HS3ST4: variants seen among roughly 807,000 people sequenced by gnomAD.
HS3ST4 encodes the protein heparan sulfate-glucosamine 3-sulfotransferase 4.
HS3ST4 carries 17 observed loss-of-function variants against 29.2 expected under a neutral mutation model. The ratio of observed to expected loss-of-function variants is 0.58; its 90% CI spans 0.40 to 0.87. HS3ST4 has a LOEUF of 0.87. Ranked by LOEUF, HS3ST4 falls within the 40% of genes least tolerant of loss-of-function variation. HS3ST4 has a pLI of 0.00. For synonymous variants in HS3ST4, 314 were observed against 285.7 expected (o/e 1.10, Z -1.00); for missense variants, 627 against 634.5 (o/e 0.99, Z 0.13).
At chr16:25,848,073 G>A (rs1346782239) in intron 1 of HS3ST4, among the ~76,000 whole-genome samples, 1 of 151,934 alleles carries the variant, frequency 6.6e-6, no homozygotes, top group African/African-American at 2.4e-5. Flanking sequence ...TTGTGAGAAT[G>A]TCAGTAGAAC....
intron 1 of HS3ST4, among the ~76,000 whole-genome samples, chr16:26,092,414 C>G (rs1197238366): frequency 1.3e-5 from 2 of 152,100 alleles, no homozygotes; most frequent in Non-Finnish European, 2.9e-5. Context: ...CCCCACTGCC[C>G]AAAGGTGTAT....
At chr16:25,763,555 A>G (rs1966801549) in intron 1 of HS3ST4, among the ~76,000 whole-genome samples, 1 of 152,192 alleles carries the variant, frequency 6.6e-6, no homozygotes, top group South Asian at 2.1e-4. Flanking sequence ...GTGTGCAGTA[A>G]TAGACACTGT....
chr16:25,910,518 C>T lies in HS3ST4; in HGVS notation c.734+217367C>T, dbSNP rs1415394095. Among the ~76,000 whole-genome samples, 10 of 151,972 alleles carry T rather than the reference C, an allele frequency of 6.6e-5. No homozygotes were observed. In the East Asian group the frequency reaches 1.9e-3, roughly 29 times the overall value. On this transcript the variant is annotated intron_variant, in intron 1 of 1. Coordinates refer to ENST00000331351, the MANE Select transcript of HS3ST4 (RefSeq NM_006040.3). ...TTTAGCCAGGTGTGGTGGTGGGTGC[C>T]TGTAATCCCAGCTACTTGGGAGGCT...
intron 1 of HS3ST4, among the ~76,000 whole-genome samples, chr16:25,788,816 A>G (rs1285915266): frequency 6.6e-6 from 1 of 151,950 alleles, no homozygotes; most frequent in Non-Finnish European, 1.5e-5. Flanking sequence ...TTGAGACTAC[A>G]GGTATGAGCC....
At position 26,084,661 on chromosome 16, in the gene HS3ST4, T is replaced by C. The variant is rs540629249; in HGVS notation, c.735-50951T>C. On this transcript the variant is annotated intron_variant, in intron 1 of 1. Coordinates refer to ENST00000331351, the MANE Select transcript of HS3ST4 (RefSeq NM_006040.3). ...TTGCTCTGTCACCCAGGCTCTGGAG[T>C]ACAGTAGCATGATCATAGCTCACTG... Among the ~76,000 whole-genome samples the C allele has an allele frequency of 3.9e-5, 6 of 152,122 alleles. No homozygotes were observed. In the East Asian group the frequency reaches 1.2e-3, roughly 29 times the overall value.
intron 1 of HS3ST4, among the ~76,000 whole-genome samples, chr16:26,007,863 C>T (rs1429297753): frequency 6.6e-6 from 1 of 151,948 alleles, no homozygotes; most frequent in Non-Finnish European, 1.5e-5. Context: ...TATCCCCCTA[C>T]AATCCAAGGA....
intron 1 of HS3ST4, among the ~76,000 whole-genome samples, chr16:25,718,922 A>G (rs1415593800): frequency 6.6e-6 from 1 of 152,230 alleles, no homozygotes. Flanking sequence ...ATATAGAAAG[A>G]TGAGCTTGTA....
chr16:25,774,446 C>G (rs1404018025), intron 1 of HS3ST4, among the ~76,000 whole-genome samples: 1 of 152,220 alleles, frequency 6.6e-6, no homozygotes, highest in African/African-American at 2.4e-5. Flanking sequence ...AATTCAAACT[C>G]AAGTCTTCTG....
intron 1 of HS3ST4, among the ~76,000 whole-genome samples, chr16:25,907,456 C>T (rs1263643192): frequency 6.6e-6 from 1 of 152,002 alleles, no homozygotes; most frequent in African/African-American, 2.4e-5. Context: ...AGCCATGCAC[C>T]TTGGAGCTTA....
intron 1 of HS3ST4, among the ~76,000 whole-genome samples, chr16:25,755,785 A>C (rs532014852): frequency 6.6e-6 from 1 of 152,334 alleles, no homozygotes; most frequent in South Asian, 2.1e-4. Flanking sequence ...GCCCTCTTCA[A>C]CTGGGGCATA....
chr16:25,874,233 A>G, intron 1 of HS3ST4, among the ~76,000 whole-genome samples: 1 of 152,190 alleles, frequency 6.6e-6, no homozygotes, highest in East Asian at 1.9e-4. Context: ...TACAGAAAAA[A>G]AAAAGATGAC....
chr16:26,035,357 A>G (rs1051938641), intron 1 of HS3ST4, among the ~76,000 whole-genome samples: 2 of 152,204 alleles, frequency 1.3e-5, no homozygotes, highest in African/African-American at 4.8e-5. Context: ...TCCAGCCCAG[A>G]CACATCCTCA....
chr16:26,021,452 G>A (rs111693068), intron 1 of HS3ST4, among the ~76,000 whole-genome samples: 1,665 of 151,994 alleles, frequency 0.011, 15 homozygotes, highest in Middle Eastern at 0.027. Context: ...TTACCTGTCC[G>A]CCATTGTAGA....
intron 1 of HS3ST4, among the ~76,000 whole-genome samples, chr16:25,882,955 G>T (rs561756081): frequency 6.6e-6 from 1 of 152,132 alleles, no homozygotes; most frequent in South Asian, 2.1e-4. Flanking sequence ...CTCTGGGAGG[G>T]TGACAGAGAA....
intron 1 of HS3ST4, among the ~76,000 whole-genome samples, chr16:25,868,161 C>T (rs1164987891): frequency 1.3e-5 from 2 of 152,130 alleles, no homozygotes; most frequent in African/African-American, 4.8e-5. Context: ...CCTTCTTCTG[C>T]CTGCCTCCCA....
chr16:26,008,582 G>T (rs1426835049), intron 1 of HS3ST4, among the ~76,000 whole-genome samples: 1 of 152,172 alleles, frequency 6.6e-6, no homozygotes, highest in African/African-American at 2.4e-5. Context: ...ACTTTGGGAG[G>T]CCAAGGTAGG....
rs184927122 is a variant in HS3ST4 at position 25,698,278 on chromosome 16, G to C, written c.734+5127G>C. On this transcript the variant is annotated intron_variant, in intron 1 of 1. Coordinates refer to ENST00000331351, the MANE Select transcript of HS3ST4 (RefSeq NM_006040.3). ...AATGATTAGGGAAAACCTCTCTTTG[G>C]AGGTGATGTAAATGGAGTAACAGAG... 3.9e-5 allele frequency among the ~76,000 whole-genome samples: 6 copies of C among 152,210 alleles called. No homozygotes were observed. In the East Asian group the frequency reaches 1.2e-3, roughly 29 times the overall value.
chr16:25,935,096 C>T (rs1596619069), intron 1 of HS3ST4, among the ~76,000 whole-genome samples: 1 of 152,232 alleles, frequency 6.6e-6, no homozygotes, highest in South Asian at 2.1e-4. Context: ...CTCCTGCCAC[C>T]GTGTGAGAAG....
At chr16:25,754,729 A>G (rs949040957) in intron 1 of HS3ST4, among the ~76,000 whole-genome samples, 1 of 152,104 alleles carries the variant, frequency 6.6e-6, no homozygotes, top group Non-Finnish European at 1.5e-5. Context: ...CAAGAACAGG[A>G]TGGGGAAAAC....
Sources: gnomAD v4.1 joint callset for allele counts (sites outside exome capture counted in the v4.1 genomes callset) on GRCh38, gnomAD v4.1.1 for gene constraint, MANE v1.5 for transcripts, NCBI Gene and HGNC (gene_info 2026-07-23, HGNC 2026-07-21) for gene names.